Variants in CD38 observed in about 807,000 individuals in gnomAD.
CD38 encodes ADP-ribosyl cyclase/cyclic ADP-ribose hydrolase 1.
A neutral mutation model predicts 36.3 loss-of-function variants in CD38; 31 were observed. The ratio of observed to expected loss-of-function variants is 0.85; its 90% CI spans 0.64 to 1.15. The LOEUF is 1.15. Among genes scored for constraint, CD38 ranks in the 50% most tolerant of loss-of-function variants. The pLI is 0.00. For synonymous variants in CD38, 131 were observed against 135.2 expected, an observed-to-expected ratio of 0.97 and a Z score of 0.22; for missense variants, 380 against 371.9, an observed-to-expected ratio of 1.02 and a Z score of -0.18.
intron 1 of CD38, among the ~76,000 whole-genome samples, chr4:15,792,561 A>C (rs1025870882): frequency 6.6e-6 from 1 of 152,094 alleles, no homozygotes; most frequent in African/African-American, 2.4e-5. Flanking sequence ...CTAATAATAC[A>C]ATTAACCCCT....
chr4:15,852,901 CT>C lies in CD38; in HGVS notation c.*4300del, dbSNP rs1309738899. On this transcript the variant is annotated 3_prime_UTR_variant, in exon 8 of 8. Transcript: ENST00000226279. ...CTCGGCTCACTGCAGGCTCCACCCC[CT>C]GGGGTTCACGCCATTCTCCTGCCTC... 1 of 151,774 alleles carries C rather than the reference CT, an allele frequency of 6.6e-6. No homozygotes were observed. Among genetic ancestry groups the C allele is most frequent in the East Asian group, 1.9e-4 (1 of 5,166 alleles). The allele number at this position is 151,774 out of a possible 1,614,324, so 9.4% of individuals were successfully genotyped here.
chr4:15,788,790 T>G (rs1202528306), intron 1 of CD38, among the ~76,000 whole-genome samples: 1 of 152,238 alleles, frequency 6.6e-6, no homozygotes, highest in Admixed American at 6.5e-5. Flanking sequence ...AAAGATTGAT[T>G]TACTCATTTA....
chr4:15,802,265 A>C (rs1040362224), intron 1 of CD38, among the ~76,000 whole-genome samples: 1 of 152,130 alleles, frequency 6.6e-6, no homozygotes, highest in African/African-American at 2.4e-5. Context: ...AAGACTACAG[A>C]ACACTAATAA....
At chr4:15,801,785 G>A (rs1723229775) in intron 1 of CD38, among the ~76,000 whole-genome samples, 1 of 152,010 alleles carries the variant, frequency 6.6e-6, no homozygotes, top group South Asian at 2.1e-4. Flanking sequence ...TTTAGAAGAA[G>A]GAACACACTT....
chr4:15,810,790 A>G (rs546513526), intron 1 of CD38, among the ~76,000 whole-genome samples: 1 of 152,336 alleles, frequency 6.6e-6, no homozygotes, highest in South Asian at 2.1e-4. Flanking sequence ...TCTCAAACCT[A>G]AACTTGCATC....
chr4:15,804,115 C>CATAT (rs748098367), intron 1 of CD38, among the ~76,000 whole-genome samples: 14 of 152,094 alleles, frequency 9.2e-5, no homozygotes, highest in Non-Finnish European at 1.8e-4. Context: ...CTGTAATGAA[C>CATAT]ATATAAGTGC....
intron 3 of CD38, among the ~76,000 whole-genome samples, chr4:15,827,815 C>T (rs1476947232): frequency 6.6e-6 from 1 of 152,076 alleles, no homozygotes; most frequent in Non-Finnish European, 1.5e-5. Context: ...TATTTATCTA[C>T]ATTCTAATAC....
chr4:15,847,097 GAC>G, intron 7 of CD38, among the ~76,000 whole-genome samples: 1 of 15,802 alleles, frequency 6.3e-5, no homozygotes, highest in Non-Finnish European at 9.3e-5. Flanking sequence ...CTGCTATAAA[GAC>G]ACATGCACAC....
chr4:15,812,622 C>A (rs1358626524), intron 1 of CD38, among the ~76,000 whole-genome samples: 3 of 152,274 alleles, frequency 2.0e-5, no homozygotes, highest in Non-Finnish European at 1.5e-5. Flanking sequence ...ATCATTTGAA[C>A]CCTGGAGGCA....
chr4:15,785,282 G>A (rs916622770), intron 1 of CD38, among the ~76,000 whole-genome samples: 2 of 152,168 alleles, frequency 1.3e-5, no homozygotes, highest in African/African-American at 4.8e-5. Flanking sequence ...TACAGCCAGG[G>A]AATAGAATCT....
At position 15,848,745 on chromosome 4, in the gene CD38, C is replaced by T; in HGVS notation, c.*143C>T. On this transcript the variant is annotated 3_prime_UTR_variant, in exon 8 of 8. Coordinates refer to ENST00000226279, the MANE Select transcript of CD38 (RefSeq NM_001775.4). ...CAATGCCAGAGACGGAAGCCTTTTT[C>T]CCCAAAGTCTTAAAATAACTTATAT... The T allele has an allele frequency of 1.2e-5, 7 of 570,294 alleles. No homozygotes were observed. Among genetic ancestry groups the T allele is most frequent in the Non-Finnish European group, 2.2e-5 (7 of 316,262 alleles). The allele number at this position is 570,294 out of a possible 1,614,324, so 35.3% of individuals were successfully genotyped here.
At chr4:15,789,648 C>T (rs1263418944) in intron 1 of CD38, among the ~76,000 whole-genome samples, 3 of 152,048 alleles carry the variant, frequency 2.0e-5, no homozygotes, top group Non-Finnish European at 4.4e-5. Context: ...GATCTGCCCT[C>T]ATGAATGGAT....
chr4:15,791,705 C>A (rs1461028543), intron 1 of CD38, among the ~76,000 whole-genome samples: 8 of 82,096 alleles, frequency 9.7e-5, no homozygotes, highest in African/African-American at 1.0e-4. Flanking sequence ...TGGCCAGCCG[C>A]CCCGTCCGGG....
intron 3 of CD38, among the ~76,000 whole-genome samples, chr4:15,826,300 G>A (rs78454728): frequency 0.049 from 7,448 of 151,980 alleles, 253 homozygotes; most frequent in Non-Finnish European, 0.062. Context: ...AAATGTACAC[G>A]CGCTGTTGTG....
chr4:15,794,328 T>C (rs937798315), intron 1 of CD38, among the ~76,000 whole-genome samples: 4 of 152,078 alleles, frequency 2.6e-5, no homozygotes, highest in African/African-American at 9.7e-5. Context: ...ACTGAGGGGG[T>C]TGGAACATAA....
At chr4:15,784,239 C>T (rs983328715) in intron 1 of CD38, among the ~76,000 whole-genome samples, 1 of 152,134 alleles carries the variant, frequency 6.6e-6, no homozygotes, top group Non-Finnish European at 1.5e-5. Flanking sequence ...GAGTGGAGTA[C>T]CAGCACAATG....
At position 15,840,009 on chromosome 4, in the gene CD38, T is replaced by C. The variant is rs1359654809; in HGVS notation, c.660-17T>C. 1 of 1,591,050 alleles carries C rather than the reference T, an allele frequency of 6.3e-7. No homozygotes were observed. Among genetic ancestry groups the C allele is most frequent in the South Asian group, 1.1e-5 (1 of 90,600 alleles). The stretch of plus-strand genomic sequence containing the variant: ...TTTGGGGTTGATGTTTGGGGTTCTT[T>C]GTTTCTTCTATTTTAGCACTTTTGG... On this transcript the variant is annotated splice_polypyrimidine_tract_variant and intron_variant, in intron 5 of 7. Coordinates refer to ENST00000226279, the MANE Select transcript of CD38 (RefSeq NM_001775.4).
intron 1 of CD38, among the ~76,000 whole-genome samples, chr4:15,797,947 A>C (rs562447851): frequency 6.6e-6 from 1 of 152,304 alleles, no homozygotes; most frequent in East Asian, 1.9e-4. Context: ...TTAGGATTTC[A>C]ACATCGTTTG....
intron 1 of CD38, among the ~76,000 whole-genome samples, chr4:15,816,154 G>A (rs957646504): frequency 3.3e-5 from 5 of 152,164 alleles, no homozygotes; most frequent in African/African-American, 1.2e-4. Flanking sequence ...TGTGCTGCTG[G>A]ATTCAGTTTG....
Sources: gnomAD v4.1 joint callset for allele counts (sites outside exome capture counted in the v4.1 genomes callset) on GRCh38, gnomAD v4.1.1 for gene constraint, MANE v1.5 for transcripts, NCBI Gene and HGNC (gene_info 2026-07-23, HGNC 2026-07-21) for gene names.